Variants in KCNAB3 observed in about 807,000 individuals in gnomAD.
The protein encoded by KCNAB3 is voltage-gated potassium channel subunit beta-3.
In KCNAB3, 62 loss-of-function variants were observed where a neutral mutation model predicts 67.7. The ratio of observed to expected loss-of-function variants is 0.92; its 90% CI spans 0.75 to 1.13. The LOEUF (loss-of-function observed/expected upper bound fraction) is 1.13. Among genes scored for constraint, KCNAB3 ranks in the 50% most tolerant of loss-of-function variants. The pLI, the probability that KCNAB3 is intolerant of heterozygous loss-of-function variation, is 0.00. For synonymous variants in KCNAB3, 212 were observed against 205.4 expected (o/e 1.03, Z -0.27); for missense variants, 514 against 522.9 (o/e 0.98, Z 0.17).
chr17:7,927,719 G>T (rs1258975786), intron 2 of KCNAB3, 25 bp from the exon 3 acceptor site: 1 of 1,614,216 alleles, frequency 6.2e-7, no homozygotes, highest in South Asian at 1.1e-5. Context: ...CCAGGCACAT[G>T]AGAACTGCAG....
In KCNAB3 at chr17:7,923,503, C is replaced by G. The variant is rs1972116608; in HGVS notation, c.1090G>C (p.Gly364Arg). 6.2e-7 allele frequency: 1 copy of G among 1,612,516 alleles called. No homozygotes were observed. The highest frequency in any genetic ancestry group is 1.1e-5 in the South Asian group (1 of 90,718). Residue 364 changes from glycine (G) to arginine (R), a missense_variant, in exon 13 of 14, where the codon GGG becomes CGG. By Grantham distance (125) the Gly-to-Arg change is moderately radical. Transcript: ENST00000303790. ...RSEGVSSVLL[G>R]VSSAEQLIEH... ...ATCAACTGCTCCGCACTCGACACCC[C>G]CAGCAAGACAGAGCTGACACCCTCA...
In KCNAB3 at chr17:7,923,117, C is replaced by T; in HGVS notation, c.1200G>A (p.Pro400=). 2 of 1,614,140 alleles carry T rather than the reference C, an allele frequency of 1.2e-6. No individual in the cohort carries two copies. Among genetic ancestry groups the T allele is most frequent in the African/African-American group, 1.3e-5 (1 of 75,032 alleles). ...CCGCGACAGACTACTTCTTGGAATG[C>T]GGCTTGTTTCCCAGGAGCCCGTCTA... ...MEIDGLLGNK[P]HSKK is the part of the protein sequence containing the mutation. The change falls in exon 14 of 14, where the codon CCG becomes CCA. Residue 400 remains proline, a synonymous_variant. Transcript: ENST00000303790.
rs1972358039 is a variant in KCNAB3 at position 7,929,541 on chromosome 17, G to A, written c.-106C>T. ...GCGTAGTGGGGCGAACCCCGGCAGAGCGGGAAGGCTGAGGAGGCTGCGGCG... is the reference window on the plus strand; with the variant it reads ...GCGTAGTGGGGCGAACCCCGGCAGAACGGGAAGGCTGAGGAGGCTGCGGCG... On this transcript the variant is annotated 5_prime_UTR_variant, in exon 1 of 14. Transcript: ENST00000303790. The surrounding 1 kb of genome is among the most constrained non-coding windows in gnomAD (Gnocchi z 5.7). The A allele has an allele frequency of 6.6e-7, 1 of 1,513,940 alleles. No individual in the cohort carries two copies. The highest frequency in any genetic ancestry group is 8.8e-7 in the Non-Finnish European group (1 of 1,135,670). 93.8% of individuals were successfully genotyped at this position (1,513,940 alleles called of 1,614,324 possible). A position where few individuals can be genotyped will look rare whatever the true frequency, so the allele number is the denominator to read the frequency against.
At position 7,929,358 on chromosome 17, in the gene KCNAB3, C is replaced by T; in HGVS notation, c.78G>A (p.Pro26=). ...SSEDRLCGPR[P]GPGGGNGGPA... is the part of the protein sequence containing the mutation. ...GCCCACCATTACCGCCCCCGGGGCCCGGCCGGGGTCCACACAGACGGTCCT... is the reference window on the plus strand; with the variant it reads ...GCCCACCATTACCGCCCCCGGGGCCTGGCCGGGGTCCACACAGACGGTCCT... The change falls in exon 1 of 14, where the codon CCG becomes CCA. Residue 26 remains proline, a synonymous_variant. Transcript: ENST00000303790. The surrounding 1 kb of genome is among the most constrained non-coding windows in gnomAD (Gnocchi z 5.7). The T allele has an allele frequency of 6.5e-7, 1 of 1,549,134 alleles. No homozygotes were observed.
chr17:7,923,043 A>T lies in KCNAB3; in HGVS notation c.*59T>A, dbSNP rs1367077671. ...ATCCGGAGCGGGAGAGGCGGCTGCG[A>T]GGAGCGGGGCTCGGGCGGGTGCAGC... On this transcript the variant is annotated 3_prime_UTR_variant, in exon 14 of 14. Coordinates refer to ENST00000303790, the MANE Select transcript of KCNAB3 (RefSeq NM_004732.4). The T allele has an allele frequency of 2.6e-6, 4 of 1,526,008 alleles. No individual in the cohort carries two copies. Among genetic ancestry groups the T allele is most frequent in the Non-Finnish European group, 3.6e-6 (4 of 1,100,842 alleles). 94.5% of individuals were successfully genotyped at this position (1,526,008 alleles called of 1,614,324 possible).
Position 7,923,023 on chromosome 17 carries a change from G to C in KCNAB3, c.*79C>G. The stretch of plus-strand genomic sequence containing the variant: ...TCCGGCCGCTGCGTGGAGGGATCCG[G>C]AGCGGGAGAGGCGGCTGCGAGGAGC... On this transcript the variant is annotated 3_prime_UTR_variant, in exon 14 of 14. Transcript: ENST00000303790. The C allele has an allele frequency of 7.2e-7, 1 of 1,380,282 alleles. No homozygotes were observed. The highest frequency in any genetic ancestry group is 1.0e-6 in the Non-Finnish European group (1 of 968,314). The allele number at this position is 1,380,282 out of a possible 1,614,324, so 85.5% of individuals were successfully genotyped here.
In KCNAB3 at chr17:7,922,854, G is replaced by A; in HGVS notation, c.*248C>T. On this transcript the variant is annotated 3_prime_UTR_variant, in exon 14 of 14. Coordinates refer to ENST00000303790, the MANE Select transcript of KCNAB3 (RefSeq NM_004732.4). ...GCCGACGGCGAGTAGCTCATGCCCG[G>A]GATTTGCAAGAAGGGCCTAGAAAGA... The A allele has an allele frequency of 1.8e-6, 1 of 555,332 alleles. No homozygotes were observed. 34.4% of individuals were successfully genotyped at this position (555,332 alleles called of 1,614,324 possible). A position where few individuals can be genotyped will look rare whatever the true frequency, so the allele number is the denominator to read the frequency against.
At position 7,924,285 on chromosome 17, in the gene KCNAB3, A is replaced by G. The variant is rs771507651; in HGVS notation, c.712-20T>C. On this transcript the variant is annotated intron_variant, in intron 9 of 13. Transcript: ENST00000303790. ...GGCCTCCTGGGTTGGGGTTGGGGAAAAGAAAGTGGTCAGAGCACTACTTCC... is the reference window on the plus strand; with the variant it reads ...GGCCTCCTGGGTTGGGGTTGGGGAAGAGAAAGTGGTCAGAGCACTACTTCC... 13 of 1,613,884 alleles carry G rather than the reference A, an allele frequency of 8.1e-6. No individual in the cohort carries two copies. The highest frequency in any genetic ancestry group is 1.1e-5 in the South Asian group (1 of 91,038).
At position 7,923,751 on chromosome 17, in the gene KCNAB3, G is replaced by A. The variant is rs1309956686; in HGVS notation, c.1008C>T (p.Val336=). Residue 336 remains valine (V), a synonymous_variant, in exon 12 of 14, where the codon GTC becomes GTT. Transcript: ENST00000303790. ...CCACGGTGCAGCCCAGCTGGTGAGC[G>A]ACAGGAAGAAGGTCCATGACTTTGG... is the stretch of plus-strand genomic sequence containing the variant. ...QQAKVMDLLP[V]AHQLGCTVAQ... The A allele has an allele frequency of 6.4e-7, 1 of 1,574,172 alleles. No individual in the cohort carries two copies. Among genetic ancestry groups the A allele is most frequent in the Non-Finnish European group, 8.6e-7 (1 of 1,158,774 alleles).
At position 7,924,156 on chromosome 17, in the gene KCNAB3, T is replaced by C. The variant is rs1972144209; in HGVS notation, c.821A>G (p.Tyr274Cys). The change falls in exon 10 of 14, where the codon TAC becomes TGC. Residue 274 changes from tyrosine to cysteine, a missense_variant. Physicochemically the swap from Tyr to Cys is radical, Grantham distance 194 (BLOSUM62 -2). Transcript: ENST00000303790. The part of the protein sequence containing the change: ...EKVEMQLPEL[Y>C]HKIGVGSVTW... ...TGAGGGCTGCAAACCAATCTTGTGG[T>C]AGAGCTCTGGCAGCTGCATCTCCAC... 1 of 1,614,124 alleles carries C rather than the reference T, an allele frequency of 6.2e-7. No homozygotes were observed. The highest frequency in any genetic ancestry group is 8.5e-7 in the Non-Finnish European group (1 of 1,180,016).
At chr17:7,924,724 T>C in intron 8 of KCNAB3, 1 of 1,340,038 alleles carries the variant, frequency 7.5e-7, no homozygotes, top group Non-Finnish European at 9.5e-7. Context: ...TGCTGAGGGT[T>C]TGAGGAAGTG....
Position 7,929,488 on chromosome 17 carries a change from A to C in KCNAB3, c.-53T>G, listed in dbSNP as rs1972356223. On this transcript the variant is annotated 5_prime_UTR_variant, in exon 1 of 14. Transcript: ENST00000303790. The surrounding 1 kb of genome is among the most constrained non-coding windows in gnomAD (Gnocchi z 5.7). ...CTCCGAGGGGACGGGAGGGGGGAGC[A>C]GGGAAGCCCGAGGGCTGACGACCGG... 1.8e-5 allele frequency: 27 copies of C among 1,484,118 alleles called. No homozygotes were observed. Among genetic ancestry groups the C allele is most frequent in the Non-Finnish European group, 2.3e-5 (25 of 1,095,322 alleles). The allele number at this position is 1,484,118 out of a possible 1,614,324, so 91.9% of individuals were successfully genotyped here.
chr17:7,923,903 CCCGTAACT>C, intron 11 of KCNAB3, 57 bp downstream of exon 11: 1 of 1,564,194 alleles, frequency 6.4e-7, no homozygotes, highest in Non-Finnish European at 8.7e-7. Context: ...AAAGCAGCCC[CCCGTAACT>C]CCCCCCAAAG....
At position 7,929,818 on chromosome 17, in the gene KCNAB3, C is replaced by A; in HGVS notation, c.-383G>T. 1.2e-4 allele frequency: 121 copies of A among 1,015,854 alleles called. No homozygotes were observed. The highest frequency in any genetic ancestry group is 1.1e-3 in the Admixed American group (18 of 16,662). 62.9% of individuals were successfully genotyped at this position (1,015,854 alleles called of 1,614,324 possible). ...ACTTCAGCGCGAACCGCTGCGGGACCCGCTGGGCTCCCAGCCGCGTCGGCA... is the reference window on the plus strand; with the variant it reads ...ACTTCAGCGCGAACCGCTGCGGGACACGCTGGGCTCCCAGCCGCGTCGGCA... On this transcript the variant is annotated 5_prime_UTR_variant, in exon 1 of 14. Transcript: ENST00000303790. The surrounding 1 kb of genome is among the most constrained non-coding windows in gnomAD (Gnocchi z 5.7).
In KCNAB3 at chr17:7,929,222, T is replaced by C. The variant is rs766872963; in HGVS notation, c.214A>G (p.Thr72Ala). Residue 72 changes from threonine (T) to alanine (A), a missense_variant, in exon 1 of 14, where the codon ACC becomes GCC. Thr to Ala is a moderately conservative substitution (Grantham distance 58, BLOSUM62 0). Coordinates refer to ENST00000303790, the MANE Select transcript of KCNAB3 (RefSeq NM_004732.4). This position sits in a 1 kb window ranked among gnomAD's most constrained non-coding sequence, Gnocchi z 5.7. Reference protein sequence around the residue: ...PAPAGALRESTGRGTGMKYRN... With the variant: ...PAPAGALRESAGRGTGMKYRN... ...TATTTCATGCCAGTGCCTCGGCCGG[T>C]GCTCTCTCGGAGGGCCCCAGCGGGC... The C allele has an allele frequency of 1.9e-6, 3 of 1,611,442 alleles. No homozygotes were observed. The highest frequency in any genetic ancestry group is 1.7e-6 in the Non-Finnish European group (2 of 1,179,410).
At position 7,924,409 on chromosome 17, in the gene KCNAB3, A is replaced by T; in HGVS notation, c.711+6T>A. ...GGACAGGGGCAAGGTGGGGTCACAC[A>T]CTCACCATGATTTCTGCAGCCCCCC... On this transcript the variant is annotated splice_donor_region_variant and intron_variant, in intron 9 of 13. Transcript: ENST00000303790. 1 of 1,612,964 alleles carries T rather than the reference A, an allele frequency of 6.2e-7. No individual in the cohort carries two copies.
In KCNAB3 at chr17:7,927,334, C is replaced by G. The variant is rs753655737; in HGVS notation, c.404+10G>C. ...CAAATGGAGCTTAGCTCTTTCACCC[C>G]AGTCCTTACTTTCCTGCTGCGTACA... is the stretch of plus-strand genomic sequence containing the variant. On this transcript the variant is annotated intron_variant, in intron 4 of 13. Coordinates refer to ENST00000303790, the MANE Select transcript of KCNAB3 (RefSeq NM_004732.4). The G allele has an allele frequency of 6.2e-7, 1 of 1,612,516 alleles. No homozygotes were observed. Among genetic ancestry groups the G allele is most frequent in the Admixed American group, 1.7e-5 (1 of 59,996 alleles).
chr17:7,929,119 T>C lies in KCNAB3; in HGVS notation c.242+75A>G. 1.3e-6 allele frequency: 2 copies of C among 1,571,438 alleles called. No homozygotes were observed. Among genetic ancestry groups the C allele is most frequent in the East Asian group, 2.3e-5 (1 of 44,434 alleles). Reference sequence around the variant, plus strand: ...TACTTAGTGAAGTTTGAAGGGGTCTTGGCGGCCATCTCAAGCAGTCTCAGG... The same window carrying C: ...TACTTAGTGAAGTTTGAAGGGGTCTCGGCGGCCATCTCAAGCAGTCTCAGG... On this transcript the variant is annotated intron_variant, in intron 1 of 13. Coordinates refer to ENST00000303790, the MANE Select transcript of KCNAB3 (RefSeq NM_004732.4). The surrounding 1 kb of genome is among the most constrained non-coding windows in gnomAD (Gnocchi z 5.7).
At position 7,924,516 on chromosome 17, in the gene KCNAB3, A is replaced by C; in HGVS notation, c.626-16T>G. 6.2e-7 allele frequency: 1 copy of C among 1,605,784 alleles called. No homozygotes were observed. Among genetic ancestry groups the C allele is most frequent in the Non-Finnish European group, 8.5e-7 (1 of 1,174,862 alleles). ...CGCACAATCTCTAGGTACACAGGAG[A>C]GGGAAAGCCTTACTGTCAGAGCCCT... On this transcript the variant is annotated splice_polypyrimidine_tract_variant and intron_variant, in intron 8 of 13. Coordinates refer to ENST00000303790, the MANE Select transcript of KCNAB3 (RefSeq NM_004732.4).
Sources: gnomAD v4.1 joint callset for allele counts on GRCh38, gnomAD v4.1.1 for gene constraint, Gnocchi (gnomAD v3.1) non-coding constraint, MANE v1.5 for transcripts, NCBI Gene and HGNC (gene_info 2026-07-23, HGNC 2026-07-21) for gene names.